Variants in TMEM132D observed in about 807,000 individuals in gnomAD.
TMEM132D encodes transmembrane protein 132D, also known as mature OL transmembrane protein.
In TMEM132D, 21 loss-of-function variants were observed where a neutral mutation model predicts 62.3. The ratio of observed to expected loss-of-function variants is 0.34; its 90% confidence interval spans 0.24 to 0.49. The LOEUF is 0.49. Ranked by LOEUF, TMEM132D falls within the 20% of genes least tolerant of loss-of-function variation. The pLI, the probability that TMEM132D is intolerant of heterozygous loss-of-function variation, is 0.99. For synonymous variants in TMEM132D, 621 were observed against 575.6 expected, an observed-to-expected ratio of 1.08 and a Z score of -1.13; for missense variants, 1,346 against 1,402.8, an observed-to-expected ratio of 0.96 and a Z score of 0.65.
intron 4 of TMEM132D, among the ~76,000 whole-genome samples, chr12:129,335,014 T>A (rs1189801724): frequency 3.9e-5 from 6 of 152,288 alleles, no homozygotes; most frequent in Non-Finnish European, 7.4e-5. Flanking sequence ...CCTGAAAAAA[T>A]TTATAACATT....
At chr12:129,841,309 T>C (rs915152857) in intron 1 of TMEM132D, among the ~76,000 whole-genome samples, 17 of 151,756 alleles carry the variant, frequency 1.1e-4, no homozygotes, top group African/African-American at 4.1e-4. Flanking sequence ...ATTTCTAAGA[T>C]TAAAAAAGAA....
chr12:129,798,300 T>A (rs1038366560), intron 1 of TMEM132D, among the ~76,000 whole-genome samples: 2 of 152,002 alleles, frequency 1.3e-5, no homozygotes, highest in African/African-American at 4.8e-5. Flanking sequence ...AAAAACGGAG[T>A]CAGATTTTTT....
At chr12:129,345,195 T>C (rs936012651) in intron 3 of TMEM132D, among the ~76,000 whole-genome samples, 4 of 152,188 alleles carry the variant, frequency 2.6e-5, no homozygotes, top group Admixed American at 6.5e-5. Flanking sequence ...TTATCTAAGA[T>C]TCATGGCTCA....
intron 3 of TMEM132D, among the ~76,000 whole-genome samples, chr12:129,462,167 G>A (rs940313657): frequency 1.3e-5 from 2 of 152,082 alleles, no homozygotes; most frequent in Non-Finnish European, 2.9e-5. Flanking sequence ...AACAAACTGA[G>A]GCAGAGTGAA....
intron 4 of TMEM132D, among the ~76,000 whole-genome samples, chr12:129,273,114 T>C (rs1051657970): frequency 2.6e-5 from 4 of 151,770 alleles, no homozygotes; most frequent in Non-Finnish European, 5.9e-5. Context: ...GAGAATCAAT[T>C]GAATCTGGGA....
intron 5 of TMEM132D, among the ~76,000 whole-genome samples, chr12:129,182,024 C>T (rs753944436): frequency 6.6e-6 from 1 of 152,196 alleles, no homozygotes; most frequent in African/African-American, 2.4e-5. Flanking sequence ...TGGCTACAGG[C>T]AAGAGTGAAG....
intron 5 of TMEM132D, among the ~76,000 whole-genome samples, chr12:129,134,425 G>C (rs2135526824): frequency 6.6e-6 from 1 of 152,196 alleles, no homozygotes; most frequent in Middle Eastern, 3.4e-3. Flanking sequence ...CTCACTTTGT[G>C]GCTCAGGGCT....
At chr12:129,574,337 A>G (rs930117430) in intron 2 of TMEM132D, among the ~76,000 whole-genome samples, 1 of 151,904 alleles carries the variant, frequency 6.6e-6, no homozygotes, top group African/African-American at 2.4e-5. Context: ...CGTCTAAAAC[A>G]TTTTGTAATA....
intron 4 of TMEM132D, among the ~76,000 whole-genome samples, chr12:129,311,374 T>C (rs1421333007): frequency 6.6e-6 from 1 of 152,172 alleles, no homozygotes; most frequent in East Asian, 1.9e-4. Flanking sequence ...ATGCTTCCAG[T>C]AAGGACATAT....
At chr12:129,645,171 G>A (rs1056083382) in intron 2 of TMEM132D, among the ~76,000 whole-genome samples, 1 of 152,062 alleles carries the variant, frequency 6.6e-6, no homozygotes, top group Admixed American at 6.6e-5. Context: ...AGGAGAGATT[G>A]AGAGTCCGAT....
chr12:129,208,555 C>CA (rs889164560), intron 5 of TMEM132D: 118 of 152,290 alleles, frequency 7.7e-4, no homozygotes, highest in African/African-American at 2.8e-3. Flanking sequence ...TTTAAGTGAG[C>CA]AAAAATGCTC....
chr12:129,292,044 T>C (rs1454814138), intron 4 of TMEM132D, among the ~76,000 whole-genome samples: 5 of 152,072 alleles, frequency 3.3e-5, no homozygotes, highest in Non-Finnish European at 7.4e-5. Flanking sequence ...GGAGAAAGTA[T>C]CATGGGTTGG....
intron 5 of TMEM132D, among the ~76,000 whole-genome samples, chr12:129,165,125 C>T (rs1052152471): frequency 1.1e-4 from 17 of 152,232 alleles, no homozygotes; most frequent in East Asian, 1.9e-4. Context: ...CCATATGCAC[C>T]GAATGATCTG....
intron 1 of TMEM132D, among the ~76,000 whole-genome samples, chr12:129,813,795 T>A (rs1247326226): frequency 2.0e-5 from 3 of 151,960 alleles, no homozygotes; most frequent in Admixed American, 6.6e-5. Context: ...ATTGCGTGCC[T>A]AGAAAATTCA....
At chr12:129,854,567 G>T (rs951688563) in intron 1 of TMEM132D, 1 of 152,136 alleles carries the variant, frequency 6.6e-6, no homozygotes, top group Non-Finnish European at 1.5e-5. Flanking sequence ...TGACCTTGTG[G>T]AACAAAAGCA....
rs556038615 is a variant in TMEM132D, at chr12:129,349,089, G to A, written c.1116-11272C>T. ...CAGGGACTTTGGTTTTCTCCTGAATGCCCCACTCCCTGTTGGGAAAGGATC... is the reference window on the plus strand; with the variant it reads ...CAGGGACTTTGGTTTTCTCCTGAATACCCCACTCCCTGTTGGGAAAGGATC... On this transcript the variant is annotated intron_variant, in intron 3 of 8. Transcript: ENST00000422113. Among the ~76,000 whole-genome samples the A allele has an allele frequency of 6.8e-4, 103 of 152,302 alleles. 1 individual carries two copies. The highest frequency in any genetic ancestry group is 2.4e-3 in the African/African-American group (101 of 41,562).
At chr12:129,683,337 GA>G (rs1236977369) in intron 2 of TMEM132D, among the ~76,000 whole-genome samples, 1 of 152,122 alleles carries the variant, frequency 6.6e-6, no homozygotes, top group Non-Finnish European at 1.5e-5. Context: ...TGCCTCTTCT[GA>G]AAAATGTAAG....
intron 5 of TMEM132D, among the ~76,000 whole-genome samples, chr12:129,170,747 C>T (rs757178479): frequency 2.6e-5 from 4 of 151,958 alleles, no homozygotes; most frequent in Admixed American, 6.6e-5. Flanking sequence ...ATTGCTTGAA[C>T]CTGGGAGCCG....
At position 129,451,378 on chromosome 12, in the gene TMEM132D, C is replaced by T. The variant is rs902238875; in HGVS notation, c.1115+79681G>A. On this transcript the variant is annotated intron_variant, in intron 3 of 8. Transcript: ENST00000422113. ...GCAACTGCATAGCTGCACCCCTGCA[C>T]GTGTCTTGCTTTCTCATGTGAACAT... Among the ~76,000 whole-genome samples, 13 of 152,194 alleles carry T rather than the reference C, an allele frequency of 8.5e-5. 1 individual carries two copies. Among genetic ancestry groups the T allele is most frequent in the Admixed American group, 2.6e-4 (4 of 15,284 alleles).
Sources: allele counts gnomAD v4.1 joint callset (sites outside exome capture counted in the v4.1 genomes callset), GRCh38; gene constraint gnomAD v4.1.1; transcripts MANE v1.5; gene names NCBI Gene and HGNC (gene_info 2026-07-23, HGNC 2026-07-21).